Variants in DOCK4 observed in about 807,000 individuals in gnomAD.
DOCK4 encodes dedicator of cytokinesis 4.
In DOCK4, 97 loss-of-function variants were observed where a neutral mutation model predicts 268.1. That is an observed-to-expected ratio of 0.36 (90% confidence interval 0.31 to 0.43). The LOEUF is 0.43. Ranked by LOEUF, DOCK4 falls within the 20% of genes least tolerant of loss-of-function variation. DOCK4 has a pLI of 1.00. For missense variants in DOCK4, 2,145 were observed against 2,455.7 expected, an observed-to-expected ratio of 0.87 and a Z score of 2.67; for synonymous variants, 954 against 887.2, an observed-to-expected ratio of 1.08 and a Z score of -1.34.
chr7:111,813,871 A>G (rs1258979445), intron 27 of DOCK4, among the ~76,000 whole-genome samples: 1 of 152,250 alleles, frequency 6.6e-6, no homozygotes, highest in Non-Finnish European at 1.5e-5. Context: ...CTATCAGGCA[A>G]GGAAGTTGTT....
chr7:111,962,539 C>T (rs1215855979), intron 8 of DOCK4, among the ~76,000 whole-genome samples: 4 of 152,156 alleles, frequency 2.6e-5, no homozygotes, highest in African/African-American at 7.2e-5. Flanking sequence ...CTGGCCACTT[C>T]GATTACCGTG....
intron 23 of DOCK4, among the ~76,000 whole-genome samples, chr7:111,853,978 G>T (rs1212581943): frequency 6.6e-6 from 1 of 151,594 alleles, no homozygotes; most frequent in Non-Finnish European, 1.5e-5. Context: ...CTGTTGCCCA[G>T]GCTGGAGTGC....
chr7:111,798,494 C>T (rs1208507655), intron 30 of DOCK4, among the ~76,000 whole-genome samples: 1 of 152,202 alleles, frequency 6.6e-6, no homozygotes, highest in African/African-American at 2.4e-5. Flanking sequence ...TTTTTCTCAA[C>T]CTTGGTTGCA....
intron 30 of DOCK4, among the ~76,000 whole-genome samples, chr7:111,798,409 CCTCT>C (rs1800048906): frequency 6.6e-6 from 1 of 152,212 alleles, no homozygotes; most frequent in Admixed American, 6.5e-5. Flanking sequence ...TCTCTTTTCT[CCTCT>C]CTAATCCAGG....
intron 1 of DOCK4, among the ~76,000 whole-genome samples, chr7:112,079,117 A>T (rs966457245): frequency 1.3e-5 from 2 of 152,192 alleles, no homozygotes; most frequent in Non-Finnish European, 2.9e-5. Flanking sequence ...ACAGAGCGAG[A>T]CTCTGTCTCA....
intron 26 of DOCK4, among the ~76,000 whole-genome samples, chr7:111,823,211 T>TG (rs1254818943): frequency 6.7e-6 from 1 of 148,520 alleles, no homozygotes; most frequent in Non-Finnish European, 1.5e-5. Flanking sequence ...TTACTTTTTT[T>TG]TTTTTTTTTT....
intron 51 of DOCK4, 158 bp from the exon 52 acceptor site, chr7:111,732,445 C>G: frequency 1.5e-6 from 1 of 682,740 alleles, no homozygotes; most frequent in East Asian, 2.7e-5. Flanking sequence ...CTAAATGATG[C>G]CTGTCTAGAA....
At chr7:111,910,740 TTCAA>T (rs774911616) in intron 13 of DOCK4, among the ~76,000 whole-genome samples, 5 of 152,210 alleles carry the variant, frequency 3.3e-5, no homozygotes, top group Non-Finnish European at 5.9e-5. Context: ...GTGGAACGCC[TTCAA>T]TCAGTTATTT....
intron 1 of DOCK4, among the ~76,000 whole-genome samples, chr7:112,166,752 T>G (rs1168560807): frequency 6.6e-6 from 1 of 152,194 alleles, no homozygotes; most frequent in Non-Finnish European, 1.5e-5. Flanking sequence ...TGAAAAACTG[T>G]TAAATGTTTA....
intron 3 of DOCK4, among the ~76,000 whole-genome samples, chr7:111,999,724 T>C (rs1427519668): frequency 6.6e-6 from 1 of 151,854 alleles, no homozygotes; most frequent in African/African-American, 2.4e-5. Flanking sequence ...CAAAAGTGTA[T>C]TTTGAGAATG....
chr7:111,986,935 G>T (rs1200558306), intron 6 of DOCK4, among the ~76,000 whole-genome samples: 5 of 152,164 alleles, frequency 3.3e-5, no homozygotes, highest in Admixed American at 6.5e-5. Flanking sequence ...AGCTTATTTT[G>T]CAGGACAATT....
chr7:111,928,586 C>CTTTTT (rs200976875), intron 12 of DOCK4, among the ~76,000 whole-genome samples: 4 of 129,506 alleles, frequency 3.1e-5, no homozygotes, highest in South Asian at 2.5e-4. Context: ...TTTTCTTTTT[C>CTTTTT]TTTTTTTTTT....
Position 111,872,354 on chromosome 7 carries a change from TGTTA to T in DOCK4, c.1843-6_1843-3del, listed in dbSNP as rs747465493. 3.2e-6 allele frequency: 5 copies of T among 1,547,478 alleles called. No individual in the cohort carries two copies. In the African/African-American group the frequency reaches 5.5e-5, roughly 17 times the overall value. On this transcript the variant is annotated splice_region_variant and splice_polypyrimidine_tract_variant and intron_variant, in intron 18 of 52. Transcript: ENST00000428084. ...GGTATCCAGTGTATCCTGCAGAAAC[TGTTA>T]GATAAAGAAGTAGCAAATGAGTAAA...
At chr7:111,944,199 G>A (rs886666839) in intron 10 of DOCK4, among the ~76,000 whole-genome samples, 3 of 152,146 alleles carry the variant, frequency 2.0e-5, no homozygotes, top group African/African-American at 7.2e-5. Flanking sequence ...GTTAATAAGT[G>A]CTACATTATA....
chr7:111,860,110 ACTGT>A (rs1185551863), intron 23 of DOCK4, among the ~76,000 whole-genome samples: 3 of 152,206 alleles, frequency 2.0e-5, no homozygotes, highest in African/African-American at 4.8e-5. Flanking sequence ...GTTCTCTGAC[ACTGT>A]CTGTGGAGCC....
At chr7:111,922,580 T>G (rs1937279809) in intron 12 of DOCK4, among the ~76,000 whole-genome samples, 1 of 152,214 alleles carries the variant, frequency 6.6e-6, no homozygotes, top group Admixed American at 6.5e-5. Flanking sequence ...TCTTTCCTTC[T>G]GGGTTCAGTT....
intron 1 of DOCK4, among the ~76,000 whole-genome samples, chr7:112,099,816 G>A (rs1366220645): frequency 6.6e-6 from 1 of 151,992 alleles, no homozygotes. Flanking sequence ...TATATTTGAT[G>A]GTATTTGAAG....
At chr7:112,043,748 G>A (rs2135520019) in intron 1 of DOCK4, among the ~76,000 whole-genome samples, 1 of 152,036 alleles carries the variant, frequency 6.6e-6, no homozygotes, top group Middle Eastern at 3.4e-3. Context: ...CTTCTCCATA[G>A]TATCTAAATA....
rs1399923143 is a variant in DOCK4, at chr7:111,727,079, T to C, written c.*1195A>G. On this transcript the variant is annotated 3_prime_UTR_variant, in exon 53 of 53. Coordinates refer to ENST00000428084, the MANE Select transcript of DOCK4 (RefSeq NM_001363540.2). ...CAGTCAGTAAAAGAAAAAACAAAGA[T>C]ATAAAATACATTACTACATACAAGG... is the stretch of plus-strand genomic sequence containing the variant. 2.0e-5 allele frequency: 3 copies of C among 152,606 alleles called. No homozygotes were observed. The highest frequency in any genetic ancestry group is 7.2e-5 in the African/African-American group (3 of 41,442). 9.5% of individuals were successfully genotyped at this position (152,606 alleles called of 1,614,324 possible).
Sources: gnomAD v4.1 joint callset for allele counts (sites outside exome capture counted in the v4.1 genomes callset) on GRCh38, gnomAD v4.1.1 for gene constraint, MANE v1.5 for transcripts, NCBI Gene and HGNC (gene_info 2026-07-23, HGNC 2026-07-21) for gene names.